The following DIAPH2 variants were observed in gnomAD, a reference collection of about 807,000 sequenced individuals.
The protein encoded by DIAPH2 is diaphanous related formin 2, also known as protein diaphanous homolog 2.
In DIAPH2, 35 loss-of-function variants were observed where a neutral mutation model predicts 92.7. The ratio of observed to expected loss-of-function variants is 0.38; its 90% CI spans 0.29 to 0.50. The LOEUF is 0.50. DIAPH2 is among the 20% of genes least tolerant of loss of function. DIAPH2 has a pLI of 0.94. For missense variants in DIAPH2, 701 were observed against 819.5 expected (o/e 0.86, Z 1.77); for synonymous variants, 301 against 280.4 (o/e 1.07, Z -0.73).
chrX:97,353,846 GCT>G (rs1251227006), intron 24 of DIAPH2, among the ~76,000 whole-genome samples: 2 of 111,187 alleles, frequency 1.8e-5, no homozygotes, highest in Admixed American at 9.7e-5. Flanking sequence ...AGACCGGGTT[GCT>G]CTGTTTCCCA....
chrX:97,057,023 A>T (rs980235081), intron 17 of DIAPH2, among the ~76,000 whole-genome samples: 7 of 111,810 alleles, frequency 6.3e-5, no homozygotes, highest in Non-Finnish European at 1.3e-4. Context: ...TTGTTGAGAG[A>T]TACAATCTAA....
In DIAPH2 at chrX:96,728,901, T is replaced by C. The variant is rs140627214; in HGVS notation, c.133-6857T>C. ...CCATAAATTTGAGACAGGTCTCAGT[T>C]TAGAAAGTTTATTTTGCCAAGGTTG... On this transcript the variant is annotated intron_variant, in intron 1 of 26. Coordinates refer to ENST00000324765, the MANE Select transcript of DIAPH2 (RefSeq NM_006729.5). 2.6e-3 allele frequency among the ~76,000 whole-genome samples: 289 copies of C among 112,578 alleles called. 2 individuals are homozygous for C. Among genetic ancestry groups the C allele is most frequent in the African/African-American group, 8.8e-3 (273 of 31,038 alleles).
intron 23 of DIAPH2, among the ~76,000 whole-genome samples, chrX:97,325,616 C>T (rs1357798886): frequency 2.8e-5 from 3 of 108,475 alleles, no homozygotes; most frequent in Non-Finnish European, 5.7e-5. Flanking sequence ...CTCACTCTGT[C>T]GCCCAGGCTG....
At chrX:97,258,788 G>C (rs1412839528) in intron 23 of DIAPH2, among the ~76,000 whole-genome samples, 11 of 93,822 alleles carry the variant, frequency 1.2e-4, no homozygotes, top group Non-Finnish European at 2.1e-4. Flanking sequence ...GGAGAATGGC[G>C]TGAACCCGGG....
In DIAPH2 at chrX:97,390,366, C is replaced by A. The variant is rs2069647181; in HGVS notation, c.3145+6322C>A. 2.8e-5 allele frequency among the ~76,000 whole-genome samples: 3 copies of A among 107,900 alleles called. No homozygotes were observed. In the Middle Eastern group the frequency reaches 0.014, roughly 507 times the overall value. The allele number at this position is 107,900 out of a possible 115,157, so 93.7% of individuals were successfully genotyped here. ...TCCCCAGTAACTGGGAATATAGGCA[C>A]ACACCACCATGCCCAGCTAATTTTT... is the stretch of plus-strand genomic sequence containing the variant. On this transcript the variant is annotated intron_variant, in intron 25 of 26. Transcript: ENST00000324765.
chrX:96,902,822 A>C (rs1422139530), intron 5 of DIAPH2, among the ~76,000 whole-genome samples: 1 of 111,813 alleles, frequency 8.9e-6, no homozygotes. Flanking sequence ...AAAAGACTAA[A>C]GCAGTACCTG....
intron 4 of DIAPH2, among the ~76,000 whole-genome samples, chrX:96,795,899 A>G (rs1370635724): frequency 1.8e-5 from 2 of 111,547 alleles, no homozygotes. Flanking sequence ...TCTGCCTTTT[A>G]ATTGATATGG....
At chrX:96,952,011 G>A (rs988790027) in intron 15 of DIAPH2, among the ~76,000 whole-genome samples, 3 of 111,220 alleles carry the variant, frequency 2.7e-5, no homozygotes, top group South Asian at 7.5e-4. Flanking sequence ...TTTGCCTTTC[G>A]AAGTATGAAA....
chrX:96,734,726 G>C (rs1018837365), intron 1 of DIAPH2, among the ~76,000 whole-genome samples: 7 of 111,380 alleles, frequency 6.3e-5, no homozygotes, highest in African/African-American at 2.3e-4. Context: ...TGCCCCAGCT[G>C]ATCTGGGGAG....
intron 17 of DIAPH2, among the ~76,000 whole-genome samples, chrX:96,985,434 C>G (rs2066024506): frequency 9.0e-6 from 1 of 110,802 alleles, no homozygotes; most frequent in South Asian, 3.8e-4. Flanking sequence ...ACAGAAGTTG[C>G]TGCTGCTGTT....
intron 4 of DIAPH2, among the ~76,000 whole-genome samples, chrX:96,854,069 A>T (rs1210160418): frequency 1.8e-5 from 2 of 111,634 alleles, no homozygotes; most frequent in Admixed American, 9.5e-5. Flanking sequence ...ATCTTACGTG[A>T]TGTATGAAAA....
chrX:97,185,353 G>GTATATATATGTATATATATA (rs1387950279), intron 22 of DIAPH2, among the ~76,000 whole-genome samples: 3 of 18,397 alleles, frequency 1.6e-4, no homozygotes, highest in South Asian at 3.8e-3. Flanking sequence ...ATATATATAT[G>GTATATATATGTATATATATA]TGTGTATATA....
At chrX:97,165,659 A>ATTT (rs199970468) in intron 22 of DIAPH2, among the ~76,000 whole-genome samples, 1 of 97,445 alleles carries the variant, frequency 1.0e-5, no homozygotes, top group Non-Finnish European at 2.1e-5. Context: ...ATGCCCAGCA[A>ATTT]TTTTTTTTTT....
chrX:97,518,420 C>T (rs1247874456), intron 26 of DIAPH2, among the ~76,000 whole-genome samples: 1 of 110,743 alleles, frequency 9.0e-6, no homozygotes, highest in African/African-American at 3.3e-5. Flanking sequence ...AAGAGCTTGA[C>T]ATTTTATTAA....
intron 19 of DIAPH2, among the ~76,000 whole-genome samples, chrX:97,083,406 A>G (rs2066760965): frequency 1.8e-5 from 2 of 112,489 alleles, no homozygotes; most frequent in African/African-American, 6.5e-5. Flanking sequence ...ATATTACACA[A>G]TGAATAAATT....
chrX:96,886,620 A>C (rs1361245995), intron 5 of DIAPH2, among the ~76,000 whole-genome samples: 1 of 111,704 alleles, frequency 9.0e-6, no homozygotes, highest in Non-Finnish European at 1.9e-5. Flanking sequence ...GACATTTTGA[A>C]AATTCTGGTC....
intron 26 of DIAPH2, among the ~76,000 whole-genome samples, chrX:97,595,389 C>T (rs949674879): frequency 3.6e-5 from 4 of 112,161 alleles, no homozygotes; most frequent in African/African-American, 1.3e-4. Context: ...AAGCTTCTTA[C>T]TCATATGACA....
chrX:96,929,445 A>T (rs1055848067), intron 9 of DIAPH2, among the ~76,000 whole-genome samples: 4 of 111,361 alleles, frequency 3.6e-5, no homozygotes, highest in African/African-American at 9.7e-5. Context: ...TGGTCATGTT[A>T]GAAACAACCT....
At chrX:96,752,446 G>A (rs921286749) in intron 3 of DIAPH2, among the ~76,000 whole-genome samples, 22 of 112,505 alleles carry the variant, frequency 2.0e-4, no homozygotes, top group African/African-American at 6.1e-4. Context: ...AGATAAGTAA[G>A]TTCCTATTTT....
Sources: gnomAD v4.1 joint callset for allele counts (sites outside exome capture counted in the v4.1 genomes callset) on GRCh38, gnomAD v4.1.1 for gene constraint, MANE v1.5 for transcripts, NCBI Gene and HGNC (gene_info 2026-07-23, HGNC 2026-07-21) for gene names.